The following FANCL variants were observed in gnomAD, a reference collection of about 807,000 sequenced individuals.
The protein encoded by FANCL is FA complementation group L.
Under a neutral mutation model 59.4 loss-of-function variants are expected in FANCL, and 69 were observed. That is an observed-to-expected ratio of 1.16 (90% CI 0.96 to 1.42). The LOEUF (loss-of-function observed/expected upper bound fraction) is 1.42. FANCL is among the 40% of genes most tolerant of loss of function. The probability of loss-of-function intolerance (pLI) is 0.00; values close to 1 mark genes in which losing one functional copy is unlikely to be tolerated. For missense variants in FANCL, 519 were observed against 447.2 expected (o/e 1.16, Z -1.45); for synonymous variants, 180 against 147.1 (o/e 1.22, Z -1.62).
At chr2:58,200,895 G>A (rs1352374552) in intron 6 of FANCL, among the ~76,000 whole-genome samples, 2 of 151,294 alleles carry the variant, frequency 1.3e-5, no homozygotes, top group African/African-American at 4.8e-5. Flanking sequence ...CTTTATGCAA[G>A]TGGCTTTACT....
intron 8 of FANCL, 48 bp downstream of exon 8, chr2:58,165,676 A>G (rs762815455): frequency 1.9e-6 from 3 of 1,607,294 alleles, no homozygotes; most frequent in Non-Finnish European, 2.6e-6. Context: ...TTTTCATAAT[A>G]CAAAATAAAA....
At chr2:58,186,019 T>C (rs1317335861) in intron 7 of FANCL, among the ~76,000 whole-genome samples, 1 of 152,182 alleles carries the variant, frequency 6.6e-6, no homozygotes, top group Non-Finnish European at 1.5e-5. Flanking sequence ...TACCCACTGT[T>C]AGTTATACAG....
Position 58,159,553 on chromosome 2 carries a change from G to C in FANCL, c.*212C>G. ...TTCCACAGTCAGCACGGGGATCACA[G>C]ACTTAGAAAGTTCAACTGGACTTTG... On this transcript the variant is annotated 3_prime_UTR_variant, in exon 14 of 14. Coordinates refer to ENST00000233741, the MANE Select transcript of FANCL (RefSeq NM_018062.4). 3 of 1,613,798 alleles carry C rather than the reference G, an allele frequency of 1.9e-6. No individual in the cohort carries two copies. Among genetic ancestry groups the C allele is most frequent in the Non-Finnish European group, 2.5e-6 (3 of 1,179,812 alleles).
chr2:58,190,788 T>C (rs189054485), intron 7 of FANCL, among the ~76,000 whole-genome samples: 2 of 152,074 alleles, frequency 1.3e-5, no homozygotes, highest in Non-Finnish European at 1.5e-5. Flanking sequence ...ACTGTCTCAG[T>C]GTCTCTACTA....
chr2:58,229,669 AAAAC>A (rs1405387836), intron 3 of FANCL, 141 bp downstream of exon 3: 7 of 668,486 alleles, frequency 1.0e-5, no homozygotes, highest in Non-Finnish European at 1.9e-5. Context: ...CTGAGATTTA[AAAAC>A]ACACAGAGAT....
At chr2:58,193,166 G>A (rs911602368) in intron 7 of FANCL, among the ~76,000 whole-genome samples, 8 of 151,980 alleles carry the variant, frequency 5.3e-5, no homozygotes, top group South Asian at 2.1e-4. Flanking sequence ...CTGGATAAAC[G>A]TAAACCCAAT....
intron 7 of FANCL, among the ~76,000 whole-genome samples, chr2:58,179,950 G>A (rs1171444080): frequency 3.3e-5 from 5 of 151,974 alleles, no homozygotes; most frequent in South Asian, 4.2e-4. Flanking sequence ...ACATTTATGC[G>A]GCCAACAAAC....
intron 7 of FANCL, among the ~76,000 whole-genome samples, chr2:58,188,106 A>C (rs1412156693): frequency 3.3e-5 from 5 of 152,114 alleles, no homozygotes; most frequent in Admixed American, 6.6e-5. Flanking sequence ...ATATGGATCG[A>C]TGAGGTCATT....
chr2:58,165,967 AGCT>A, intron 7 of FANCL, 93 bp from the exon 8 acceptor site: 1 of 1,328,002 alleles, frequency 7.5e-7, no homozygotes, highest in Non-Finnish European at 1.1e-6. Flanking sequence ...AGAAATTTTA[AGCT>A]GTTTCATTTT....
chr2:58,166,711 C>T (rs145849604), intron 7 of FANCL, among the ~76,000 whole-genome samples: 4 of 152,218 alleles, frequency 2.6e-5, no homozygotes, highest in Admixed American at 6.5e-5. Context: ...CGTTTTCAAT[C>T]TGAAATAACT....
intron 3 of FANCL, among the ~76,000 whole-genome samples, chr2:58,228,311 A>G (rs756443718): frequency 7.2e-5 from 11 of 152,240 alleles, no homozygotes; most frequent in Non-Finnish European, 1.5e-4. Flanking sequence ...CTCAAGTTTT[A>G]CATTGTTTTC....
chr2:58,240,649 C>T (rs1694437735), intron 1 of FANCL, among the ~76,000 whole-genome samples: 1 of 152,206 alleles, frequency 6.6e-6, no homozygotes, highest in Admixed American at 6.5e-5. Context: ...GTGTAATAAA[C>T]TCCATATGAG....
intron 5 of FANCL, among the ~76,000 whole-genome samples, chr2:58,214,835 C>G (rs549033902): frequency 6.6e-6 from 1 of 152,084 alleles, no homozygotes; most frequent in East Asian, 1.9e-4. Flanking sequence ...TAAGTCTTGC[C>G]TTATGTATCC....
chr2:58,195,379 G>A (rs1024382027), intron 7 of FANCL, among the ~76,000 whole-genome samples: 1 of 152,030 alleles, frequency 6.6e-6, no homozygotes, highest in African/African-American at 2.4e-5. Flanking sequence ...GAAAAACTGT[G>A]AAATCAGCCC....
chr2:58,202,220 T>C (rs139586757), intron 6 of FANCL, among the ~76,000 whole-genome samples: 1,577 of 134,372 alleles, frequency 0.012, 34 homozygotes, highest in African/African-American at 0.042. Flanking sequence ...TGGTTTTATA[T>C]ATACCTATAC....
At chr2:58,185,433 C>A (rs1340136968) in intron 7 of FANCL, among the ~76,000 whole-genome samples, 1 of 152,140 alleles carries the variant, frequency 6.6e-6, no homozygotes, top group Non-Finnish European at 1.5e-5. Context: ...AACCATCCAA[C>A]TAGCATATCT....
At chr2:58,241,337 G>C, upstream of FANCL, 5 of 1,612,076 alleles carry the variant, frequency 3.1e-6, no homozygotes, top group Non-Finnish European at 4.2e-6. Flanking sequence ...GAGAAACACA[G>C]AAAAGCTCTA....
At chr2:58,208,766 T>C (rs1374821977) in intron 5 of FANCL, among the ~76,000 whole-genome samples, 2 of 152,222 alleles carry the variant, frequency 1.3e-5, no homozygotes, top group African/African-American at 4.8e-5. Flanking sequence ...TGCGTGTCTT[T>C]ACTTCGTCTC....
chr2:58,174,923 T>C (rs570551277), intron 7 of FANCL, among the ~76,000 whole-genome samples: 9 of 152,116 alleles, frequency 5.9e-5, no homozygotes, highest in Admixed American at 1.3e-4. Flanking sequence ...AAGAATCAAA[T>C]AGATGCAGTA....
Sources: allele counts gnomAD v4.1 joint callset (sites outside exome capture counted in the v4.1 genomes callset), GRCh38; gene constraint gnomAD v4.1.1; transcripts MANE v1.5; gene names NCBI Gene and HGNC (gene_info 2026-07-23, HGNC 2026-07-21).